MAMDC2: variants seen among roughly 807,000 people sequenced by gnomAD.
MAMDC2 encodes MAM domain containing 2.
MAMDC2 carries 57 observed loss-of-function variants against 89.8 expected under a neutral mutation model. The ratio of observed to expected loss-of-function variants is 0.63; its 90% CI spans 0.51 to 0.79. The LOEUF (loss-of-function observed/expected upper bound fraction) is 0.79, where lower values mean the gene tolerates loss of function less well. MAMDC2 is among the 30% of genes least tolerant of loss of function. The pLI, the probability that MAMDC2 is intolerant of heterozygous loss-of-function variation, is 0.00. For synonymous variants in MAMDC2, 313 were observed against 293.4 expected, an observed-to-expected ratio of 1.07 and a Z score of -0.68; for missense variants, 800 against 820.6, an observed-to-expected ratio of 0.97 and a Z score of 0.31.
chr9:70,094,494 G>A (rs1003507442), intron 2 of MAMDC2, among the ~76,000 whole-genome samples: 7 of 152,170 alleles, frequency 4.6e-5, no homozygotes, highest in African/African-American at 1.7e-4. Flanking sequence ...AGAGGTATAT[G>A]TGAAAATAAT....
intron 11 of MAMDC2, among the ~76,000 whole-genome samples, chr9:70,215,322 G>A (rs1046564444): frequency 1.3e-5 from 2 of 152,180 alleles, no homozygotes; most frequent in Non-Finnish European, 2.9e-5. Context: ...GGATGTCACT[G>A]GTGAGCACTG....
intron 2 of MAMDC2, among the ~76,000 whole-genome samples, chr9:70,099,980 A>AAGAGAGAGAGAGAGAGAGAGAGAG (rs60292765): frequency 4.3e-5 from 5 of 115,638 alleles, no homozygotes; most frequent in South Asian, 3.3e-4. Context: ...GCCAAAAAGA[A>AAGAGAGAGAGAGAGAGAGAGAGAG]AGAGAGAGAG....
intron 11 of MAMDC2, among the ~76,000 whole-genome samples, chr9:70,208,796 A>G (rs1049242926): frequency 1.3e-5 from 2 of 152,084 alleles, no homozygotes; most frequent in Non-Finnish European, 2.9e-5. Context: ...TTATTTTGAG[A>G]TATGTCCCAT....
intron 2 of MAMDC2, among the ~76,000 whole-genome samples, chr9:70,069,564 A>G (rs1178982009): frequency 6.6e-6 from 1 of 152,210 alleles, no homozygotes; most frequent in African/African-American, 2.4e-5. Context: ...GATACCTGAT[A>G]AGTTTTAACA....
rs143619235 is a variant in MAMDC2, at chr9:70,160,659, C to T, written c.1405-8043C>T. On this transcript the variant is annotated intron_variant, in intron 9 of 13. Transcript: ENST00000377182. ...CTTTCTGGGGGGCCTACATTTTCAG[C>T]GCAGAGCAGGGCAGTGATGTCTTCG... 8.5e-5 allele frequency among the ~76,000 whole-genome samples: 13 copies of T among 152,168 alleles called. No homozygotes were observed. In the East Asian group the frequency reaches 1.4e-3, roughly 16 times the overall value.
rs181341995 is a variant in MAMDC2, at chr9:70,191,118, C to T, written c.1651+20487C>T. On this transcript the variant is annotated intron_variant, in intron 11 of 13. Coordinates refer to ENST00000377182, the MANE Select transcript of MAMDC2 (RefSeq NM_153267.5). ...GGTTTAGTCAGGTTTAGGAGCCTGA[C>T]TGAAGTTCAGTCAAGCAAAGAGTGC... 6.6e-5 allele frequency among the ~76,000 whole-genome samples: 10 copies of T among 152,228 alleles called. No homozygotes were observed. In the East Asian group the frequency reaches 1.7e-3, roughly 26 times the overall value.
chr9:70,126,918 C>G (rs538745549), intron 6 of MAMDC2, among the ~76,000 whole-genome samples: 1 of 151,910 alleles, frequency 6.6e-6, no homozygotes, highest in African/African-American at 2.4e-5. Flanking sequence ...TATTATGGCC[C>G]TAGTTTGAAA....
intron 11 of MAMDC2, 155 bp downstream of exon 11, chr9:70,170,786 C>A: frequency 1.6e-6 from 1 of 616,740 alleles, no homozygotes; most frequent in Non-Finnish European, 2.7e-6. Context: ...TTGATATGGG[C>A]ATTGAATATC....
intron 9 of MAMDC2, among the ~76,000 whole-genome samples, chr9:70,168,460 C>T (rs1465978149): frequency 6.6e-6 from 1 of 152,154 alleles, no homozygotes; most frequent in Non-Finnish European, 1.5e-5. Context: ...CCACTACACT[C>T]CAGCCTTGGC....
intron 11 of MAMDC2, among the ~76,000 whole-genome samples, chr9:70,208,974 A>G (rs2033290047): frequency 6.6e-6 from 1 of 152,186 alleles, no homozygotes; most frequent in Non-Finnish European, 1.5e-5. Context: ...CATCCCAGGG[A>G]TGAAGCCAAC....
chr9:70,131,129 T>C (rs1454353826), intron 6 of MAMDC2, among the ~76,000 whole-genome samples: 1 of 152,234 alleles, frequency 6.6e-6, no homozygotes, highest in Admixed American at 6.5e-5. Flanking sequence ...ATATGGCACC[T>C]ACTCATTGTG....
chr9:70,099,072 A>G (rs1828097110), intron 2 of MAMDC2, among the ~76,000 whole-genome samples: 1 of 152,198 alleles, frequency 6.6e-6, no homozygotes, highest in South Asian at 2.1e-4. Flanking sequence ...TGGAAACTTC[A>G]AACAGAAGAT....
chr9:70,083,699 T>TTTC (rs1827705794), intron 2 of MAMDC2: 1 of 17,452 alleles, frequency 5.7e-5, no homozygotes, highest in Admixed American at 9.4e-4. Flanking sequence ...TCTTTCTTTC[T>TTTC]TTTTTTTTTT....
intron 2 of MAMDC2, among the ~76,000 whole-genome samples, chr9:70,099,717 G>A (rs1587469024): frequency 2.6e-5 from 4 of 152,252 alleles, no homozygotes; most frequent in Admixed American, 2.0e-4. Flanking sequence ...GTTCACGCCT[G>A]TAATCCCAGC....
At chr9:70,174,051 C>T (rs765942450) in intron 11 of MAMDC2, among the ~76,000 whole-genome samples, 1 of 152,168 alleles carries the variant, frequency 6.6e-6, no homozygotes, top group African/African-American at 2.4e-5. Flanking sequence ...CCTCTCTAAG[C>T]CTATTTTCTT....
At chr9:70,202,884 C>T (rs2033133466) in intron 11 of MAMDC2, among the ~76,000 whole-genome samples, 1 of 148,414 alleles carries the variant, frequency 6.7e-6, no homozygotes, top group African/African-American at 2.5e-5. Context: ...CAACCCCTGC[C>T]TTTTTTTGTT....
intron 2 of MAMDC2, among the ~76,000 whole-genome samples, chr9:70,059,562 C>T (rs569409416): frequency 5.3e-5 from 8 of 152,218 alleles, no homozygotes; most frequent in African/African-American, 1.7e-4. Flanking sequence ...AAGTTCTTTC[C>T]TCATTCATTC....
At position 70,163,773 on chromosome 9, in the gene MAMDC2, G is replaced by A. The variant is rs188957448; in HGVS notation, c.1405-4929G>A. Among the ~76,000 whole-genome samples, 383 of 151,620 alleles carry A rather than the reference G, an allele frequency of 2.5e-3. 7 individuals carry two copies. Among genetic ancestry groups the A allele is most frequent in the Admixed American group, 0.021 (317 of 15,234 alleles). On this transcript the variant is annotated intron_variant, in intron 9 of 13. Coordinates refer to ENST00000377182, the MANE Select transcript of MAMDC2 (RefSeq NM_153267.5). ...GTTCGAGACCAGCCTGGGCAACAAGGTGAAACCCTGTCTCTACAAAAAATA... is the reference window on the plus strand; with the variant it reads ...GTTCGAGACCAGCCTGGGCAACAAGATGAAACCCTGTCTCTACAAAAAATA...
chr9:70,131,000 C>T (rs1269327247), intron 6 of MAMDC2, among the ~76,000 whole-genome samples: 1 of 152,132 alleles, frequency 6.6e-6, no homozygotes, highest in East Asian at 1.9e-4. Context: ...TAACAAAATA[C>T]CATAAACTAG....
Sources: allele counts gnomAD v4.1 joint callset (sites outside exome capture counted in the v4.1 genomes callset), GRCh38; gene constraint gnomAD v4.1.1; transcripts MANE v1.5; gene names NCBI Gene and HGNC (gene_info 2026-07-23, HGNC 2026-07-21).